Variants in VAMP7 observed in about 807,000 individuals in gnomAD.
VAMP7 encodes vesicle-associated membrane protein 7.
In VAMP7, 14 loss-of-function variants were observed where a neutral mutation model predicts 29.6. The ratio of observed to expected loss-of-function variants is 0.47; its 90% confidence interval spans 0.31 to 0.74. The LOEUF (loss-of-function observed/expected upper bound fraction) is 0.74. VAMP7 is among the 30% of genes least tolerant of loss of function. The pLI is 0.05. For synonymous variants in VAMP7, 95 were observed against 88.1 expected (o/e 1.08, Z -0.44); for missense variants, 223 against 262.4 (o/e 0.85, Z 1.04).
In VAMP7 at chrX:155,931,983, C is replaced by G. The variant is rs140538459; in HGVS notation, c.502-7718C>G. ...ATAGGGAATCCTTTCCCCATTTCTT[C>G]TTTTTGTCAGGTTTGTCAAAGATGA... On this transcript the variant is annotated intron_variant, in intron 6 of 7. Coordinates refer to ENST00000286448, the MANE Select transcript of VAMP7 (RefSeq NM_005638.6). Among the ~76,000 whole-genome samples the G allele has an allele frequency of 6.6e-3, 1,000 of 152,224 alleles. 4 individuals are homozygous for G. Among genetic ancestry groups the G allele is most frequent in the Middle Eastern group, 0.014 (4 of 294 alleles).
intron 1 of VAMP7, 76 bp from the exon 2 acceptor site, chrX:155,889,382 A>T (rs2065900624): frequency 1.2e-5 from 19 of 1,549,054 alleles, no homozygotes; most frequent in Non-Finnish European, 1.6e-5. Flanking sequence ...TAGTATGTTG[A>T]TAAATGATAG....
chrX:155,913,080 G>A (rs2066260923), intron 5 of VAMP7, among the ~76,000 whole-genome samples: 1 of 152,146 alleles, frequency 6.6e-6, no homozygotes, highest in Non-Finnish European at 1.5e-5. Context: ...ACTGGTGTGA[G>A]AGGATATCTC....
chrX:155,934,371 A>T (rs1204211103), intron 6 of VAMP7, among the ~76,000 whole-genome samples: 1 of 152,132 alleles, frequency 6.6e-6, no homozygotes, highest in Non-Finnish European at 1.5e-5. Flanking sequence ...TTGCTTTATG[A>T]ATCTGGGTCC....
intron 1 of VAMP7, among the ~76,000 whole-genome samples, chrX:155,883,903 C>T (rs1209320536): frequency 4.6e-5 from 7 of 151,372 alleles, no homozygotes; most frequent in African/African-American, 9.7e-5. Flanking sequence ...TTAGTAGAGA[C>T]GGGATTTCAC....
Position 155,943,522 on chromosome X carries a change from A to C in VAMP7, c.*1571A>C, listed in dbSNP as rs933526595. 1 of 152,512 alleles carries C rather than the reference A, an allele frequency of 6.6e-6. No individual in the cohort carries two copies. Among genetic ancestry groups the C allele is most frequent in the South Asian group, 2.1e-4 (1 of 4,822 alleles). 9.4% of individuals were successfully genotyped at this position (152,512 alleles called of 1,614,324 possible). On this transcript the variant is annotated 3_prime_UTR_variant, in exon 8 of 8. Transcript: ENST00000286448. Reference sequence around the variant, plus strand: ...ATCAGTATTTCCTATTGGAAAATACATCTGTTCCAGAAAAACATTTGGCAT... The same window carrying C: ...ATCAGTATTTCCTATTGGAAAATACCTCTGTTCCAGAAAAACATTTGGCAT...
At chrX:155,886,425 C>T (rs889326888) in intron 1 of VAMP7, among the ~76,000 whole-genome samples, 3 of 152,184 alleles carry the variant, frequency 2.0e-5, no homozygotes, top group African/African-American at 7.2e-5. Flanking sequence ...GTTTAACAGT[C>T]ATTTTTAAGT....
chrX:155,921,933 G>A (rs993813334), intron 6 of VAMP7, among the ~76,000 whole-genome samples: 2 of 151,762 alleles, frequency 1.3e-5, no homozygotes, highest in Admixed American at 6.6e-5. Context: ...AGAGTTTTTC[G>A]GTCCATGAAC....
intron 5 of VAMP7, among the ~76,000 whole-genome samples, chrX:155,907,671 T>C (rs1314313390): frequency 2.6e-5 from 4 of 152,096 alleles, no homozygotes; most frequent in Admixed American, 2.6e-4. Context: ...CCATGTCTAC[T>C]TCTTTCTTCA....
chrX:155,921,926 G>GTT (rs1459744455), intron 6 of VAMP7, among the ~76,000 whole-genome samples: 1 of 151,854 alleles, frequency 6.6e-6, no homozygotes, highest in Non-Finnish European at 1.5e-5. Flanking sequence ...ACAGTATAGA[G>GTT]TTTTTCGGTC....
At chrX:155,932,934 G>T (rs964577425) in intron 6 of VAMP7, among the ~76,000 whole-genome samples, 1 of 152,084 alleles carries the variant, frequency 6.6e-6, no homozygotes, top group African/African-American at 2.4e-5. Flanking sequence ...TTTTGTCAAA[G>T]GCCTTTTCTG....
At chrX:155,928,895 C>T (rs909536268) in intron 6 of VAMP7, among the ~76,000 whole-genome samples, 2 of 152,172 alleles carry the variant, frequency 1.3e-5, no homozygotes, top group Non-Finnish European at 2.9e-5. Flanking sequence ...AGTTTCATTC[C>T]TCACTGCTTT....
At chrX:155,899,056 G>A (rs759170165) in intron 4 of VAMP7, among the ~76,000 whole-genome samples, 66 of 152,080 alleles carry the variant, frequency 4.3e-4, no homozygotes, top group African/African-American at 1.6e-3. Flanking sequence ...GGATATTTGG[G>A]TTGCTTCCAG....
chrX:155,925,963 C>G (rs749061259), intron 6 of VAMP7, among the ~76,000 whole-genome samples: 24 of 152,298 alleles, frequency 1.6e-4, no homozygotes, highest in Non-Finnish European at 2.8e-4. Flanking sequence ...TGTCAATGAG[C>G]AGTAATACTT....
At chrX:155,897,996 C>A in intron 3 of VAMP7, 116 bp from the exon 4 acceptor site, 1 of 1,305,428 alleles carries the variant, frequency 7.7e-7, no homozygotes, top group Non-Finnish European at 1.1e-6. Flanking sequence ...AATGCTAGTT[C>A]CTCCTCAGAT....
intron 1 of VAMP7, among the ~76,000 whole-genome samples, chrX:155,883,991 C>T (rs2065836251): frequency 6.6e-6 from 1 of 151,842 alleles, no homozygotes; most frequent in South Asian, 2.1e-4. Flanking sequence ...GGATTACAGG[C>T]ATGAGCCACC....
At chrX:155,887,350 T>G (rs1003252613) in intron 1 of VAMP7, among the ~76,000 whole-genome samples, 2 of 151,922 alleles carry the variant, frequency 1.3e-5, no homozygotes, top group Non-Finnish European at 2.9e-5. Flanking sequence ...AAAGTCGACA[T>G]TTAGAGGTCA....
intron 7 of VAMP7, among the ~76,000 whole-genome samples, chrX:155,941,429 A>G (rs1216379815): frequency 5.9e-5 from 9 of 152,162 alleles, no homozygotes; most frequent in Non-Finnish European, 1.0e-4. Flanking sequence ...AGTGATATAG[A>G]TGAAAGCCTT....
chrX:155,909,607 G>T (rs773292997), intron 5 of VAMP7, among the ~76,000 whole-genome samples: 21 of 152,186 alleles, frequency 1.4e-4, no homozygotes, highest in African/African-American at 4.8e-4. Flanking sequence ...CTTAGCTCAG[G>T]CTGCCATAAC....
At chrX:155,887,121 G>A (rs2065874503) in intron 1 of VAMP7, among the ~76,000 whole-genome samples, 1 of 152,024 alleles carries the variant, frequency 6.6e-6, no homozygotes, top group Non-Finnish European at 1.5e-5. Flanking sequence ...CGGCTTCTGG[G>A]CCACCACACT....
Sources: gnomAD v4.1 joint callset for allele counts (sites outside exome capture counted in the v4.1 genomes callset) on GRCh38, gnomAD v4.1.1 for gene constraint, MANE v1.5 for transcripts, NCBI Gene and HGNC (gene_info 2026-07-23, HGNC 2026-07-21) for gene names.